IL1RAPL1: variants seen among roughly 807,000 people sequenced by gnomAD.
The protein encoded by IL1RAPL1 is interleukin 1 receptor accessory protein like 1, also known as interleukin-1 receptor accessory protein-like 1.
A neutral mutation model predicts 48.4 loss-of-function variants in IL1RAPL1; 3 were observed. The observed-to-expected ratio is 0.06, with a 90% CI of 0.03 to 0.16. The LOEUF (loss-of-function observed/expected upper bound fraction) is 0.16, where lower values mean the gene tolerates loss of function less well. IL1RAPL1 is among the 10% of genes least tolerant of loss of function. The pLI, the probability that IL1RAPL1 is intolerant of heterozygous loss-of-function variation, is 1.00. For missense variants in IL1RAPL1, 349 were observed against 530.6 expected (o/e 0.66, Z 3.36); for synonymous variants, 185 against 187.7 (o/e 0.99, Z 0.12).
intron 2 of IL1RAPL1, among the ~76,000 whole-genome samples, chrX:28,887,112 G>A (rs191463327): frequency 3.1e-3 from 345 of 111,490 alleles, no homozygotes; most frequent in African/African-American, 0.011. Flanking sequence ...ACACATTCAG[G>A]TGTTACCAAT....
chrX:29,911,923 TGAGAA>T (rs1255346517), intron 6 of IL1RAPL1, among the ~76,000 whole-genome samples: 3 of 111,859 alleles, frequency 2.7e-5, no homozygotes, highest in Non-Finnish European at 5.6e-5. Context: ...AACATATAGT[TGAGAA>T]GAGATGTGCA....
intron 5 of IL1RAPL1, among the ~76,000 whole-genome samples, chrX:29,419,707 A>G (rs1358545407): frequency 8.9e-6 from 1 of 112,651 alleles, no homozygotes; most frequent in Non-Finnish European, 1.9e-5. Flanking sequence ...TATTTCAACA[A>G]TGCTCAGTTA....
chrX:29,368,132 T>C (rs1933491903), intron 3 of IL1RAPL1, among the ~76,000 whole-genome samples: 1 of 111,508 alleles, frequency 9.0e-6, no homozygotes, highest in African/African-American at 3.2e-5. Flanking sequence ...CTTGTTATAC[T>C]TCATGAAACA....
At chrX:29,500,994 CA>C (rs1569325089) in intron 5 of IL1RAPL1, among the ~76,000 whole-genome samples, 1 of 111,645 alleles carries the variant, frequency 9.0e-6, no homozygotes, top group African/African-American at 3.3e-5. Flanking sequence ...ACCATTTTAA[CA>C]TGGGTGAAAT....
In IL1RAPL1 at chrX:29,125,062, A is replaced by G. The variant is rs189247568; in HGVS notation, c.83-157876A>G. ...GGAAGTAATGCTGATGCCTCTAAAC[A>G]TGACCAAGATTTATTCTTCACTCCT... On this transcript the variant is annotated intron_variant, in intron 2 of 10. Coordinates refer to ENST00000378993, the MANE Select transcript of IL1RAPL1 (RefSeq NM_014271.4). 6.7e-3 allele frequency among the ~76,000 whole-genome samples: 757 copies of G among 112,423 alleles called. 6 individuals are homozygous for G. Among genetic ancestry groups the G allele is most frequent in the African/African-American group, 0.023 (716 of 31,025 alleles).
At chrX:29,696,616 C>T (rs1384157920) in intron 6 of IL1RAPL1, among the ~76,000 whole-genome samples, 3 of 112,024 alleles carry the variant, frequency 2.7e-5, no homozygotes, top group African/African-American at 9.7e-5. Context: ...CACAAGACTT[C>T]AGATGACAGC....
intron 3 of IL1RAPL1, among the ~76,000 whole-genome samples, chrX:29,357,028 AC>A (rs770344137): frequency 4.3e-4 from 48 of 111,720 alleles, no homozygotes; most frequent in Non-Finnish European, 8.8e-4. Flanking sequence ...TTATTCATCC[AC>A]CAAACCAATC....
At chrX:29,514,621 G>A (rs1265534206) in intron 5 of IL1RAPL1, among the ~76,000 whole-genome samples, 1 of 112,086 alleles carries the variant, frequency 8.9e-6, no homozygotes, top group Non-Finnish European at 1.9e-5. Flanking sequence ...GCTAATTTTT[G>A]TGTTTTTAGT....
At chrX:29,389,384 G>A (rs1436241185) in intron 3 of IL1RAPL1, among the ~76,000 whole-genome samples, 1 of 106,105 alleles carries the variant, frequency 9.4e-6, no homozygotes, top group Non-Finnish European at 1.9e-5. Flanking sequence ...AGGTTAAAAC[G>A]GATAAAGATC....
intron 1 of IL1RAPL1, among the ~76,000 whole-genome samples, chrX:28,668,393 G>A (rs755444179): frequency 2.7e-5 from 3 of 111,805 alleles, no homozygotes; most frequent in Non-Finnish European, 3.8e-5. Context: ...AGAGTAGCTG[G>A]TATTACAGGC....
intron 2 of IL1RAPL1, among the ~76,000 whole-genome samples, chrX:28,899,531 T>C (rs1923021473): frequency 8.9e-6 from 1 of 111,951 alleles, no homozygotes; most frequent in Admixed American, 9.5e-5. Flanking sequence ...TAACTGTGCA[T>C]CTGTTTTATT....
chrX:28,645,185 TAAAAATACAA>T (rs1343881406), intron 1 of IL1RAPL1, among the ~76,000 whole-genome samples: 1 of 107,115 alleles, frequency 9.3e-6, no homozygotes, highest in Non-Finnish European at 1.9e-5. Context: ...CTGTCTCTAC[TAAAAATACAA>T]AATTAGTCGG....
intron 3 of IL1RAPL1, among the ~76,000 whole-genome samples, chrX:29,332,800 C>T (rs867343208): frequency 2.7e-5 from 3 of 110,581 alleles, no homozygotes; most frequent in South Asian, 4.0e-4. Context: ...TGCGGCCTTC[C>T]GCAGTGTTTG....
rs761008339 is a variant in IL1RAPL1 at position 29,005,131 on chromosome X, G to A, written c.82+215706G>A. The stretch of plus-strand genomic sequence containing the variant: ...AAAACCAACTTAAAAATTATGACTA[G>A]CATGCAGTTAAGAAACTTGGCAGGC... On this transcript the variant is annotated intron_variant, in intron 2 of 10. Transcript: ENST00000378993. Among the ~76,000 whole-genome samples the A allele has an allele frequency of 3.1e-3, 343 of 112,193 alleles. 2 individuals carry two copies. The highest frequency in any genetic ancestry group is 5.2e-3 in the Non-Finnish European group (278 of 53,257).
intron 2 of IL1RAPL1, among the ~76,000 whole-genome samples, chrX:29,186,142 A>G (rs1930247633): frequency 8.9e-6 from 1 of 112,176 alleles, no homozygotes; most frequent in Non-Finnish European, 1.9e-5. Context: ...TATTCATAAA[A>G]ATTATGACAC....
chrX:29,417,657 T>C (rs768927026), intron 5 of IL1RAPL1, among the ~76,000 whole-genome samples: 3 of 111,771 alleles, frequency 2.7e-5, no homozygotes, highest in Non-Finnish European at 5.6e-5. Flanking sequence ...TCTCAAGTGA[T>C]AATTGCAATA....
At chrX:28,898,806 TTTTG>T (rs896407973) in intron 2 of IL1RAPL1, among the ~76,000 whole-genome samples, 1 of 110,121 alleles carries the variant, frequency 9.1e-6, no homozygotes, top group African/African-American at 3.3e-5. Flanking sequence ...GGGACTTTTT[TTTTG>T]TTTATTTTTG....
At chrX:29,306,266 C>A (rs938697249) in intron 3 of IL1RAPL1, among the ~76,000 whole-genome samples, 1 of 111,903 alleles carries the variant, frequency 8.9e-6, no homozygotes, top group Admixed American at 9.5e-5. Context: ...CGCGGTGGCT[C>A]ACGCCTGTAA....
chrX:28,903,917 T>G (rs2147327974), intron 2 of IL1RAPL1, among the ~76,000 whole-genome samples: 1 of 110,111 alleles, frequency 9.1e-6, no homozygotes, highest in East Asian at 2.8e-4. Flanking sequence ...ATTACATGTG[T>G]ATATATGTAT....
Sources: gnomAD v4.1 joint callset for allele counts (sites outside exome capture counted in the v4.1 genomes callset) on GRCh38, gnomAD v4.1.1 for gene constraint, MANE v1.5 for transcripts, NCBI Gene and HGNC (gene_info 2026-07-23, HGNC 2026-07-21) for gene names.